SH3GL2: variants seen among roughly 807,000 people sequenced by gnomAD.
The protein encoded by SH3GL2 is SH3 domain containing GRB2 like 2, endophilin A1, also known as endophilin-A1.
In SH3GL2, 24 loss-of-function variants were observed where a neutral mutation model predicts 46.0. The ratio of observed to expected loss-of-function variants is 0.52; its 90% CI spans 0.38 to 0.73. The LOEUF is 0.73. SH3GL2 is among the 30% of genes least tolerant of loss of function. The pLI is 0.00. For missense variants in SH3GL2, 413 were observed against 424.2 expected (o/e 0.97, Z 0.23); for synonymous variants, 196 against 147.1 (o/e 1.33, Z -2.40).
At chr9:17,755,881 C>T (rs1011881586) in intron 2 of SH3GL2, 6 of 467,756 alleles carry the variant, frequency 1.3e-5, no homozygotes, top group Non-Finnish European at 1.7e-5. Flanking sequence ...TAGTCATTTC[C>T]ATGCCTTCTA....
chr9:17,680,452 A>G lies in SH3GL2; in HGVS notation c.46-66614A>G, dbSNP rs368751832. Among the ~76,000 whole-genome samples the G allele has an allele frequency of 3.3e-4, 50 of 152,018 alleles. 2 individuals are homozygous for G. In the East Asian group the frequency reaches 9.5e-3, roughly 29 times the overall value. On this transcript the variant is annotated intron_variant, in intron 1 of 8. Coordinates refer to ENST00000380607, the MANE Select transcript of SH3GL2 (RefSeq NM_003026.5). Reference sequence around the variant, plus strand: ...ATAGTATTCTCTGATGGTAGTTTGTATTTCTGTGGGATTGGTGGTGATATC... The same window carrying G: ...ATAGTATTCTCTGATGGTAGTTTGTGTTTCTGTGGGATTGGTGGTGATATC...
intron 1 of SH3GL2, among the ~76,000 whole-genome samples, chr9:17,585,491 C>G (rs1302064132): frequency 1.3e-5 from 2 of 152,038 alleles, no homozygotes; most frequent in African/African-American, 4.8e-5. Flanking sequence ...ATAGGAGAGG[C>G]TCAAGAAAAC....
chr9:17,579,561 C>G (rs1818235473), intron 1 of SH3GL2, among the ~76,000 whole-genome samples: 1 of 152,164 alleles, frequency 6.6e-6, no homozygotes, highest in South Asian at 2.1e-4. Flanking sequence ...CGCATCATCT[C>G]GCGCCCGTGC....
At chr9:17,703,751 C>T (rs1821396315) in intron 1 of SH3GL2, among the ~76,000 whole-genome samples, 1 of 152,042 alleles carries the variant, frequency 6.6e-6, no homozygotes, top group East Asian at 1.9e-4. Context: ...TACAATTCAG[C>T]ATCCGTTCAT....
chr9:17,739,411 C>G (rs1265044005), intron 1 of SH3GL2, among the ~76,000 whole-genome samples: 1 of 151,856 alleles, frequency 6.6e-6, no homozygotes, highest in Non-Finnish European at 1.5e-5. Context: ...GTCTTAGAGT[C>G]TGTTATTAGC....
intron 1 of SH3GL2, among the ~76,000 whole-genome samples, chr9:17,603,560 G>A (rs568561364): frequency 6.6e-4 from 101 of 152,090 alleles, no homozygotes; most frequent in Admixed American, 1.9e-3. Context: ...GGTGATGGTT[G>A]CATAAAACAT....
At chr9:17,682,311 A>T (rs1390814698) in intron 1 of SH3GL2, among the ~76,000 whole-genome samples, 2 of 152,172 alleles carry the variant, frequency 1.3e-5, no homozygotes, top group African/African-American at 4.8e-5. Flanking sequence ...AACCAACCCA[A>T]ATGCCCATCA....
intron 1 of SH3GL2, among the ~76,000 whole-genome samples, chr9:17,648,187 G>C (rs747346732): frequency 5.9e-5 from 9 of 152,154 alleles, no homozygotes; most frequent in Non-Finnish European, 2.9e-5. Flanking sequence ...AAAGTTATGT[G>C]TGGATTTTCA....
At chr9:17,762,139 G>C (rs1161927878) in intron 3 of SH3GL2, among the ~76,000 whole-genome samples, 1 of 152,144 alleles carries the variant, frequency 6.6e-6, no homozygotes, top group South Asian at 2.1e-4. Flanking sequence ...GCAAAGCAAA[G>C]CAAAGCAGCC....
intron 1 of SH3GL2, among the ~76,000 whole-genome samples, chr9:17,650,508 A>G (rs1159491246): frequency 2.0e-5 from 3 of 152,006 alleles, no homozygotes; most frequent in Non-Finnish European, 4.4e-5. Flanking sequence ...AGTAGCTGGG[A>G]TTACAGGCGT....
At chr9:17,622,169 A>G (rs1353641319) in intron 1 of SH3GL2, among the ~76,000 whole-genome samples, 1 of 152,184 alleles carries the variant, frequency 6.6e-6, no homozygotes, top group East Asian at 1.9e-4. Flanking sequence ...AGTTGTTTTG[A>G]AAATTTATTA....
intron 2 of SH3GL2, among the ~76,000 whole-genome samples, chr9:17,747,485 T>A (rs1381249598): frequency 6.6e-6 from 1 of 152,014 alleles, no homozygotes; most frequent in African/African-American, 2.4e-5. Context: ...CCAAATGTTT[T>A]TGGGAGAGTT....
chr9:17,653,485 G>T (rs1005732633), intron 1 of SH3GL2, among the ~76,000 whole-genome samples: 1 of 152,092 alleles, frequency 6.6e-6, no homozygotes, highest in Non-Finnish European at 1.5e-5. Flanking sequence ...TGTGTAGGTT[G>T]TTTGAGCTGT....
chr9:17,693,696 T>C (rs1483224326), intron 1 of SH3GL2, among the ~76,000 whole-genome samples: 3 of 152,268 alleles, frequency 2.0e-5, no homozygotes, highest in Non-Finnish European at 4.4e-5. Flanking sequence ...CTAGATGATA[T>C]TTTTCAAGAA....
intron 1 of SH3GL2, among the ~76,000 whole-genome samples, chr9:17,673,102 A>G (rs1820514368): frequency 6.6e-6 from 1 of 150,496 alleles, no homozygotes; most frequent in African/African-American, 2.5e-5. Context: ...TCCCTAATAA[A>G]TCTTCCCTCT....
At chr9:17,689,189 C>G (rs1821004136) in intron 1 of SH3GL2, among the ~76,000 whole-genome samples, 1 of 152,046 alleles carries the variant, frequency 6.6e-6, no homozygotes, top group African/African-American at 2.4e-5. Flanking sequence ...CCAGAAAACC[C>G]CCAACAGAGG....
intron 1 of SH3GL2, among the ~76,000 whole-genome samples, chr9:17,645,182 T>TTTTTTTTTTTTTA (rs1819781790): frequency 1.5e-4 from 11 of 72,758 alleles, no homozygotes; most frequent in Non-Finnish European, 2.6e-4. Flanking sequence ...TTTTTTTTTT[T>TTTTTTTTTTTTTA]GCTTTCCATT....
chr9:17,788,960 T>G (rs1824042373), intron 5 of SH3GL2, among the ~76,000 whole-genome samples: 1 of 152,210 alleles, frequency 6.6e-6, no homozygotes, highest in East Asian at 1.9e-4. Context: ...CTATCTCACT[T>G]AATTTCAAGG....
chr9:17,599,654 A>G (rs1300913839), intron 1 of SH3GL2, among the ~76,000 whole-genome samples: 1 of 152,168 alleles, frequency 6.6e-6, no homozygotes, highest in Non-Finnish European at 1.5e-5. Flanking sequence ...TTCACATGGA[A>G]ACCTTTCTTT....
Sources: gnomAD v4.1 joint callset for allele counts (sites outside exome capture counted in the v4.1 genomes callset) on GRCh38, gnomAD v4.1.1 for gene constraint, MANE v1.5 for transcripts, NCBI Gene and HGNC (gene_info 2026-07-23, HGNC 2026-07-21) for gene names.